The following GRB10 variants were observed in gnomAD, a reference collection of about 807,000 sequenced individuals.
GRB10 encodes growth factor receptor bound protein 10, also known as growth factor receptor-bound protein 10.
In GRB10, 20 loss-of-function variants were observed where a neutral mutation model predicts 80.9. That is an observed-to-expected ratio of 0.25 (90% CI 0.17 to 0.36). The LOEUF (loss-of-function observed/expected upper bound fraction) is 0.36. Among genes scored for constraint, GRB10 ranks in the 10% least tolerant of loss-of-function variants. The probability of loss-of-function intolerance (pLI) is 1.00; values close to 1 mark genes in which losing one functional copy is unlikely to be tolerated. For missense variants in GRB10, 548 were observed against 747.7 expected (o/e 0.73, Z 3.12); for synonymous variants, 291 against 291.5 (o/e 1.00, Z 0.02).
At chr7:50,651,260 A>C (rs2057973713) in intron 7 of GRB10, among the ~76,000 whole-genome samples, 1 of 152,220 alleles carries the variant, frequency 6.6e-6, no homozygotes, top group African/African-American at 2.4e-5. Context: ...GTTTCGCAGA[A>C]CAGAAATCCA....
At chr7:50,771,866 C>T (rs930907652) in intron 2 of GRB10, among the ~76,000 whole-genome samples, 5 of 152,220 alleles carry the variant, frequency 3.3e-5, no homozygotes, top group Non-Finnish European at 7.3e-5. Context: ...ATGAGACTTA[C>T]TCTTCTAAAC....
chr7:50,755,510 T>C (rs1476619112), intron 3 of GRB10, among the ~76,000 whole-genome samples: 3 of 152,090 alleles, frequency 2.0e-5, no homozygotes, highest in African/African-American at 4.8e-5. Context: ...TACCAACTCC[T>C]GAGGCTCACG....
chr7:50,759,736 C>A (rs950260193), intron 2 of GRB10, among the ~76,000 whole-genome samples: 2 of 152,084 alleles, frequency 1.3e-5, no homozygotes, highest in African/African-American at 4.8e-5. Flanking sequence ...TTTCAAATCA[C>A]CAAACATACA....
Position 50,616,231 on chromosome 7 carries a change from G to C in GRB10, c.963C>G (p.Cys321Trp). ...TCACCTTTGAAGTTCCCTTGGTGGAGCAATAAAGGCCAGATCTCCGCAAAC... is the reference window on the plus strand; with the variant it reads ...TCACCTTTGAAGTTCCCTTGGTGGACCAATAAAGGCCAGATCTCCGCAAAC... The part of the protein sequence containing the change: ...YVCLRRSGLY[C>W]STKGTSKEPR... The change falls in exon 11 of 19, where the codon TGC becomes TGG. Residue 321 changes from cysteine to tryptophan, a missense_variant. Coordinates refer to ENST00000401949, the MANE Select transcript of GRB10 (RefSeq NM_001350814.2). The C allele has an allele frequency of 6.2e-7, 1 of 1,614,210 alleles. No individual in the cohort carries two copies. The highest frequency in any genetic ancestry group is 2.2e-5 in the East Asian group (1 of 44,880).
intron 7 of GRB10, among the ~76,000 whole-genome samples, chr7:50,653,809 C>T (rs948564694): frequency 2.6e-5 from 4 of 152,194 alleles, no homozygotes; most frequent in African/African-American, 9.7e-5. Context: ...AGAAGCTACC[C>T]AAGTAAAGTT....
chr7:50,641,269 T>G (rs2056185921), intron 7 of GRB10, among the ~76,000 whole-genome samples: 1 of 135,226 alleles, frequency 7.4e-6, no homozygotes, highest in African/African-American at 3.2e-5. Flanking sequence ...TTTATACTCA[T>G]CAAAAAAGGT....
At chr7:50,738,259 T>C (rs2153695318) in intron 3 of GRB10, among the ~76,000 whole-genome samples, 1 of 152,318 alleles carries the variant, frequency 6.6e-6, no homozygotes, top group Non-Finnish European at 1.5e-5. Flanking sequence ...CTTCTAAGCA[T>C]ATAATAGCAA....
At chr7:50,642,508 A>G (rs1372958694) in intron 7 of GRB10, among the ~76,000 whole-genome samples, 2 of 152,182 alleles carry the variant, frequency 1.3e-5, no homozygotes, top group Non-Finnish European at 2.9e-5. Context: ...AAATATATAT[A>G]CACATACATA....
intron 2 of GRB10, among the ~76,000 whole-genome samples, chr7:50,757,447 A>G (rs2153703920): frequency 6.6e-6 from 1 of 152,354 alleles, no homozygotes; most frequent in African/African-American, 2.4e-5. Context: ...GCAAGCTATG[A>G]AGCTTGCTAA....
At chr7:50,759,182 G>A in intron 2 of GRB10, among the ~76,000 whole-genome samples, 1 of 134,664 alleles carries the variant, frequency 7.4e-6, no homozygotes. Context: ...GACAGAGTGA[G>A]ACTCTGCCTC....
chr7:50,605,957 A>T (rs2048443526), intron 14 of GRB10, among the ~76,000 whole-genome samples: 1 of 152,214 alleles, frequency 6.6e-6, no homozygotes, highest in African/African-American at 2.4e-5. Flanking sequence ...CTCACCAGGG[A>T]ATGAATGCAG....
chr7:50,644,709 G>A (rs887341500), intron 7 of GRB10, among the ~76,000 whole-genome samples: 10 of 152,106 alleles, frequency 6.6e-5, no homozygotes. Context: ...TCACAGCACC[G>A]AACTAGCAAG....
At chr7:50,606,564 T>G in intron 13 of GRB10, 150 bp from the exon 14 acceptor site, 1 of 699,912 alleles carries the variant, frequency 1.4e-6, no homozygotes, top group Non-Finnish European at 2.6e-6. Flanking sequence ...CCGCTGACCC[T>G]GATCAACACA....
At chr7:50,698,315 G>A (rs2063712767) in intron 5 of GRB10, among the ~76,000 whole-genome samples, 1 of 152,188 alleles carries the variant, frequency 6.6e-6, no homozygotes, top group Non-Finnish European at 1.5e-5. Flanking sequence ...ATAGAAATAT[G>A]TAATGGTAAT....
intron 8 of GRB10, among the ~76,000 whole-genome samples, chr7:50,624,287 C>T (rs906762247): frequency 6.6e-6 from 1 of 152,176 alleles, no homozygotes; most frequent in Non-Finnish European, 1.5e-5. Context: ...GTTGGAGGGC[C>T]AGAAGGGCCC....
At chr7:50,607,736 C>A (rs1411633618) in intron 13 of GRB10, among the ~76,000 whole-genome samples, 2 of 152,222 alleles carry the variant, frequency 1.3e-5, no homozygotes, top group African/African-American at 4.8e-5. Context: ...CCCTCCCTAG[C>A]TGAGGCTTGC....
chr7:50,791,768 C>T (rs2078925769), intron 1 of GRB10, among the ~76,000 whole-genome samples: 1 of 152,198 alleles, frequency 6.6e-6, no homozygotes, highest in Admixed American at 6.5e-5. Context: ...CCCAGTAAAA[C>T]TCAAATATTA....
chr7:50,649,934 C>T (rs1318375440), intron 7 of GRB10, among the ~76,000 whole-genome samples: 1 of 152,134 alleles, frequency 6.6e-6, no homozygotes. Flanking sequence ...CAAGTGAAGA[C>T]GGAGGGTACC....
At chr7:50,656,657 C>T (rs1276070500) in intron 7 of GRB10, among the ~76,000 whole-genome samples, 1 of 152,232 alleles carries the variant, frequency 6.6e-6, no homozygotes, top group Non-Finnish European at 1.5e-5. Context: ...CACAGAGTTC[C>T]ACCCCTGCTG....
Sources: allele counts gnomAD v4.1 joint callset (sites outside exome capture counted in the v4.1 genomes callset), GRCh38; gene constraint gnomAD v4.1.1; transcripts MANE v1.5; gene names NCBI Gene and HGNC (gene_info 2026-07-23, HGNC 2026-07-21).